The following EGFR variants were observed in gnomAD, a reference collection of about 807,000 sequenced individuals.
The protein encoded by EGFR is avian erythroblastic leukemia viral (v-erb-b) oncogene homolog.
In EGFR, 58 loss-of-function variants were observed where a neutral mutation model predicts 143.0. That is an observed-to-expected ratio of 0.41 (90% CI 0.33 to 0.50). The LOEUF is 0.50. EGFR is among the 20% of genes least tolerant of loss of function. EGFR has a pLI of 0.39. For missense variants in EGFR, 1,307 were observed against 1,579.0 expected (o/e 0.83, Z 2.92); for synonymous variants, 613 against 594.4 (o/e 1.03, Z -0.45).
chr7:55,157,343 T>C (rs1785475241), intron 10 of EGFR, among the ~76,000 whole-genome samples: 3 of 152,320 alleles, frequency 2.0e-5, no homozygotes, highest in African/African-American at 7.2e-5. Context: ...AGATCCACAA[T>C]TGGCAGATAA....
At chr7:55,063,368 G>A (rs1218746483) in intron 1 of EGFR, among the ~76,000 whole-genome samples, 5 of 152,022 alleles carry the variant, frequency 3.3e-5, no homozygotes, top group Non-Finnish European at 4.4e-5. Context: ...AATTTAGATC[G>A]AACCACATGT....
chr7:55,090,896 A>G (rs1316472890), intron 1 of EGFR, among the ~76,000 whole-genome samples: 1 of 152,214 alleles, frequency 6.6e-6, no homozygotes. Context: ...ATGTTGATGG[A>G]CCCAACCTAT....
chr7:55,195,500 G>T (rs746837609), intron 22 of EGFR, among the ~76,000 whole-genome samples: 3 of 152,144 alleles, frequency 2.0e-5, no homozygotes, highest in Non-Finnish European at 4.4e-5. Context: ...GTATTTTTTA[G>T]ATTTTAGTAC....
chr7:55,021,263 G>C (rs551384250), intron 1 of EGFR, among the ~76,000 whole-genome samples: 4 of 152,278 alleles, frequency 2.6e-5, no homozygotes, highest in East Asian at 3.9e-4. Context: ...CGGGAGACGC[G>C]GGCCTGCTCC....
chr7:55,100,473 G>A lies in EGFR; in HGVS notation c.89-41813G>A, dbSNP rs148611178. Among the ~76,000 whole-genome samples, 110 of 152,340 alleles carry A rather than the reference G, an allele frequency of 7.2e-4. 1 individual carries two copies. The highest frequency in any genetic ancestry group is 2.5e-3 in the African/African-American group (104 of 41,586). On this transcript the variant is annotated intron_variant, in intron 1 of 27. Transcript: ENST00000275493. Reference sequence around the variant, plus strand: ...GGTGCAGCCTCTGAGGTGGGTGGGAGGCCCTCGAGGGAGAAATGTCTGCAG... The same window carrying A: ...GGTGCAGCCTCTGAGGTGGGTGGGAAGCCCTCGAGGGAGAAATGTCTGCAG...
intron 1 of EGFR, among the ~76,000 whole-genome samples, chr7:55,071,179 G>C (rs1789802266): frequency 6.6e-6 from 1 of 152,154 alleles, no homozygotes; most frequent in African/African-American, 2.4e-5. Context: ...TTGGAGGGTT[G>C]GTGTTACTGT....
chr7:55,025,472 AG>A (rs986277089), intron 1 of EGFR, among the ~76,000 whole-genome samples: 33 of 150,224 alleles, frequency 2.2e-4, no homozygotes, highest in African/African-American at 8.1e-4. Flanking sequence ...ATGGGACTGC[AG>A]GGAAGGGAAG....
chr7:55,034,697 CA>C (rs1466898648), intron 1 of EGFR, among the ~76,000 whole-genome samples: 3 of 152,186 alleles, frequency 2.0e-5, no homozygotes, highest in Non-Finnish European at 2.9e-5. Context: ...CTCTAAGTTG[CA>C]AGTTAATAGA....
chr7:55,189,237 C>T (rs983303671), intron 20 of EGFR, among the ~76,000 whole-genome samples: 3 of 152,260 alleles, frequency 2.0e-5, no homozygotes, highest in East Asian at 3.9e-4. Context: ...GCCATGGTCC[C>T]AGTAGTGGTC....
rs1786472750 is a variant in EGFR, at chr7:55,173,915, C to T, written c.2062-6C>T. ...ACCCTTGTCTCTGTGTTCTTGTCCC[C>T]CCCAGCTTGTGGAGCCTCTTACACC... On this transcript the variant is annotated splice_region_variant and splice_polypyrimidine_tract_variant and intron_variant, in intron 17 of 27. Transcript: ENST00000275493. 1 of 1,614,222 alleles carries T rather than the reference C, an allele frequency of 6.2e-7. No individual in the cohort carries two copies. Among genetic ancestry groups the T allele is most frequent in the South Asian group, 1.1e-5 (1 of 91,086 alleles).
At chr7:55,145,961 G>T (rs1285950922) in intron 3 of EGFR, among the ~76,000 whole-genome samples, 1 of 152,138 alleles carries the variant, frequency 6.6e-6, no homozygotes, top group Non-Finnish European at 1.5e-5. Flanking sequence ...AATGTCATCA[G>T]TGGAACACTC....
chr7:55,151,182 G>A, intron 4 of EGFR, 112 bp from the exon 5 acceptor site: 2 of 1,073,168 alleles, frequency 1.9e-6, no homozygotes, highest in Non-Finnish European at 2.9e-6. Flanking sequence ...CAGAGAATAA[G>A]TTGAAAAGAT....
rs17336254 is a variant in EGFR at position 55,122,434 on chromosome 7, G to A, written c.89-19852G>A. Reference sequence around the variant, plus strand: ...GCTGCTGGTGGCAGTGGGGGGAACCGCACAGCCACGCTGTGTGCTGCTGAA... The same window carrying A: ...GCTGCTGGTGGCAGTGGGGGGAACCACACAGCCACGCTGTGTGCTGCTGAA... On this transcript the variant is annotated intron_variant, in intron 1 of 27. Coordinates refer to ENST00000275493, the MANE Select transcript of EGFR (RefSeq NM_005228.5). Among the ~76,000 whole-genome samples, 712 of 152,336 alleles carry A rather than the reference G, an allele frequency of 4.7e-3. 3 individuals are homozygous for A. Among genetic ancestry groups the A allele is most frequent in the South Asian group, 0.021 (99 of 4,820 alleles).
At chr7:55,204,800 GTATACACACACCACA>G (rs780324852) in intron 27 of EGFR, among the ~76,000 whole-genome samples, 123 of 101,348 alleles carry the variant, frequency 1.2e-3, no homozygotes, top group Admixed American at 2.1e-3. Context: ...ACATACACAC[GTATACACACACCACA>G]TATACACACA....
At chr7:55,035,407 T>A (rs1787499482) in intron 1 of EGFR, among the ~76,000 whole-genome samples, 1 of 151,804 alleles carries the variant, frequency 6.6e-6, no homozygotes, top group Non-Finnish European at 1.5e-5. Context: ...CTCACACCTG[T>A]AATCCCAGCA....
At chr7:55,106,378 C>G (rs7803660) in intron 1 of EGFR, among the ~76,000 whole-genome samples, 7,626 of 152,300 alleles carry the variant, frequency 0.05, 663 homozygotes, top group African/African-American at 0.17. Context: ...TTCTGAGAAC[C>G]CTAGTAAGTC....
intron 16 of EGFR, among the ~76,000 whole-genome samples, chr7:55,171,416 T>C (rs1411795497): frequency 6.6e-6 from 1 of 152,196 alleles, no homozygotes; most frequent in Non-Finnish European, 1.5e-5. Flanking sequence ...TTGTCCTCAG[T>C]GGAGGGAAAG....
In EGFR at chr7:55,182,810, C is replaced by T. The variant is rs141961788; in HGVS notation, c.2469+1332C>T. Among the ~76,000 whole-genome samples, 18 of 152,290 alleles carry T rather than the reference C, an allele frequency of 1.2e-4. No homozygotes were observed. In the East Asian group the frequency reaches 2.9e-3, roughly 24 times the overall value. Reference sequence around the variant, plus strand: ...TTTTGCCATTCTCATGGTCATAACCCGGGCCACAGAGTAGAACACTCCTAT... The same window carrying T: ...TTTTGCCATTCTCATGGTCATAACCTGGGCCACAGAGTAGAACACTCCTAT... On this transcript the variant is annotated intron_variant, in intron 20 of 27. Transcript: ENST00000275493.
chr7:55,142,145 A>T (rs1373289340), intron 1 of EGFR, 141 bp from the exon 2 acceptor site: 2 of 966,426 alleles, frequency 2.1e-6, no homozygotes, highest in African/African-American at 1.6e-5. Flanking sequence ...CGCCCAGATG[A>T]CCTGGGCAGG....
Sources: gnomAD v4.1 joint callset for allele counts (sites outside exome capture counted in the v4.1 genomes callset) on GRCh38, gnomAD v4.1.1 for gene constraint, MANE v1.5 for transcripts, NCBI Gene and HGNC (gene_info 2026-07-23, HGNC 2026-07-21) for gene names.